Variants in TES observed in about 807,000 individuals in gnomAD.
The protein encoded by TES is testin LIM domain protein.
TES carries 41 observed loss-of-function variants against 48.2 expected under a neutral mutation model. The ratio of observed to expected loss-of-function variants is 0.85; its 90% confidence interval spans 0.66 to 1.10. The LOEUF is 1.10. Ranked by LOEUF, TES falls within the 50% of genes least tolerant of loss-of-function variation. The pLI, the probability that TES is intolerant of heterozygous loss-of-function variation, is 0.00. For synonymous variants in TES, 162 were observed against 174.9 expected (o/e 0.93, Z 0.58); for missense variants, 463 against 515.1 (o/e 0.90, Z 0.98).
At chr7:116,249,886 A>G (rs1423860330) in intron 3 of TES, 2 of 291,808 alleles carry the variant, frequency 6.9e-6, no homozygotes, top group Non-Finnish European at 1.3e-5. Flanking sequence ...TCAATTGTAC[A>G]TTTGTTTATT....
intron 1 of TES, among the ~76,000 whole-genome samples, chr7:116,223,393 G>A (rs1445247997): frequency 1.3e-5 from 2 of 152,058 alleles, no homozygotes; most frequent in Non-Finnish European, 2.9e-5. Context: ...TTATATAATG[G>A]AATTTAAAAG....
chr7:116,251,352 T>C (rs1800005182), intron 4 of TES, among the ~76,000 whole-genome samples: 1 of 152,162 alleles, frequency 6.6e-6, no homozygotes, highest in Non-Finnish European at 1.5e-5. Flanking sequence ...CTCTTCAAAG[T>C]TGTTTCTCTG....
chr7:116,228,994 A>G lies in TES; in HGVS notation c.28-5540A>G, dbSNP rs1272881382. Among the ~76,000 whole-genome samples the G allele has an allele frequency of 5.7e-5, 3 of 53,034 alleles. 1 individual carries two copies. In the Admixed American group the frequency reaches 8.4e-4, roughly 15 times the overall value. The allele number at this position is 53,034 out of a possible 152,430, so 34.8% of individuals were successfully genotyped here. A position where few individuals can be genotyped will look rare whatever the true frequency, so the allele number is the denominator to read the frequency against. On this transcript the variant is annotated intron_variant, in intron 1 of 6. Transcript: ENST00000358204. The stretch of plus-strand genomic sequence containing the variant: ...GTTCCCCGTTAGCTCTCTAGTATCT[A>G]TAACTATATATATATATATATATAT...
chr7:116,222,964 C>T (rs1799574027), intron 1 of TES: 3 of 984,822 alleles, frequency 3.0e-6, no homozygotes, highest in African/African-American at 3.5e-5. Context: ...TTGTCTTTCT[C>T]AAAGTAACGG....
At chr7:116,219,140 TATAGA>T (rs1474727487) in intron 1 of TES, among the ~76,000 whole-genome samples, 4 of 152,144 alleles carry the variant, frequency 2.6e-5, no homozygotes, top group Non-Finnish European at 5.9e-5. Context: ...AAACACCTCC[TATAGA>T]ATAAAGAAGC....
intron 4 of TES, chr7:116,251,492 C>A: frequency 2.7e-6 from 1 of 371,836 alleles, no homozygotes; most frequent in Non-Finnish European, 5.2e-6. Flanking sequence ...ACCATCCTGG[C>A]TAACACGGTG....
chr7:116,224,178 C>T, intron 1 of TES, among the ~76,000 whole-genome samples: 1 of 152,198 alleles, frequency 6.6e-6, no homozygotes, highest in East Asian at 1.9e-4. Context: ...CTAGTCGATC[C>T]TTGCAGCCCA....
chr7:116,248,174 T>C (rs1225024318), intron 2 of TES, among the ~76,000 whole-genome samples: 1 of 152,246 alleles, frequency 6.6e-6, no homozygotes, highest in Non-Finnish European at 1.5e-5. Context: ...CTGCATAGTA[T>C]TCTATGGTGA....
chr7:116,235,449 T>A (rs1163855963), intron 2 of TES, among the ~76,000 whole-genome samples: 2 of 152,208 alleles, frequency 1.3e-5, no homozygotes, highest in Non-Finnish European at 2.9e-5. Flanking sequence ...TGAATTTTTT[T>A]AAGAAAAAAA....
At chr7:116,250,841 C>T (rs1336413535) in intron 4 of TES, among the ~76,000 whole-genome samples, 5 of 152,066 alleles carry the variant, frequency 3.3e-5, no homozygotes, top group Non-Finnish European at 7.4e-5. Flanking sequence ...TCTCTGCTGC[C>T]CATAAATAGG....
rs748256096 is a variant in TES, at chr7:116,257,311, C to G, written c.1095C>G (p.His365Gln). The stretch of plus-strand genomic sequence containing the variant: ...CTTAATAGGTGTGTCAAGGATGCCA[C>G]AATGCCATCGACCCAGAAGTGCAGC... ...KNHAVVCQGC[H>Q]NAIDPEVQRV... The change falls in exon 7 of 7, where the codon CAC (histidine) becomes CAG (glutamine). Residue 365 changes from histidine (H) to glutamine (Q), a missense_variant. Physicochemically the swap from His to Gln is conservative, Grantham distance 24 (BLOSUM62 0). Transcript: ENST00000358204. 1 of 1,611,718 alleles carries G rather than the reference C, an allele frequency of 6.2e-7. No homozygotes were observed. The highest frequency in any genetic ancestry group is 1.7e-5 in the Admixed American group (1 of 59,474).
intron 1 of TES, among the ~76,000 whole-genome samples, chr7:116,211,850 C>T (rs1288555101): frequency 6.6e-6 from 1 of 152,052 alleles, no homozygotes; most frequent in African/African-American, 2.4e-5. Flanking sequence ...GCAGAGTTTT[C>T]GGTTAGGAAG....
chr7:116,241,009 C>G (rs1404965389), intron 2 of TES, among the ~76,000 whole-genome samples: 1 of 152,042 alleles, frequency 6.6e-6, no homozygotes, highest in Non-Finnish European at 1.5e-5. Context: ...TGTATAAAAC[C>G]ACGTTTTTAA....
intron 2 of TES, among the ~76,000 whole-genome samples, chr7:116,237,129 C>T (rs1799782052): frequency 6.6e-6 from 1 of 152,148 alleles, no homozygotes; most frequent in Non-Finnish European, 1.5e-5. Flanking sequence ...AACAAAGATT[C>T]CAGGTCTAGT....
chr7:116,253,451 A>C (rs1800048005), intron 6 of TES, among the ~76,000 whole-genome samples: 1 of 152,040 alleles, frequency 6.6e-6, no homozygotes, highest in African/African-American at 2.4e-5. Context: ...TGACTATTGC[A>C]GTGGCCTCAA....
chr7:116,244,225 C>G (rs920851971), intron 2 of TES, among the ~76,000 whole-genome samples: 7 of 152,184 alleles, frequency 4.6e-5, no homozygotes, highest in Admixed American at 2.0e-4. Context: ...CTCACTCCAG[C>G]ATTAACTCAA....
intron 1 of TES, among the ~76,000 whole-genome samples, chr7:116,226,602 A>T (rs1252263018): frequency 6.6e-6 from 1 of 152,224 alleles, no homozygotes; most frequent in Non-Finnish European, 1.5e-5. Flanking sequence ...GGGGAGTGTT[A>T]TGATTATCTT....
At chr7:116,219,726 A>G (rs993706062) in intron 1 of TES, among the ~76,000 whole-genome samples, 1 of 152,146 alleles carries the variant, frequency 6.6e-6, no homozygotes, top group Non-Finnish European at 1.5e-5. Flanking sequence ...TGGGACCATT[A>G]CTTCAGTCTA....
At chr7:116,240,968 C>A (rs1370519042) in intron 2 of TES, among the ~76,000 whole-genome samples, 14 of 152,094 alleles carry the variant, frequency 9.2e-5, no homozygotes, top group African/African-American at 3.4e-4. Flanking sequence ...TTGTGCTCAC[C>A]CATACTCTGT....
Sources: allele counts gnomAD v4.1 joint callset (sites outside exome capture counted in the v4.1 genomes callset), GRCh38; gene constraint gnomAD v4.1.1; transcripts MANE v1.5; gene names NCBI Gene and HGNC (gene_info 2026-07-23, HGNC 2026-07-21).